The following DOCK8 variants were observed in gnomAD, a reference collection of about 807,000 sequenced individuals.
DOCK8 encodes dedicator of cytokinesis protein 8.
DOCK8 carries 141 observed loss-of-function variants against 245.6 expected under a neutral mutation model. The ratio of observed to expected loss-of-function variants is 0.57; its 90% CI spans 0.50 to 0.66. The LOEUF is 0.66. Among genes scored for constraint, DOCK8 ranks in the 30% least tolerant of loss-of-function variants. The probability of loss-of-function intolerance (pLI) is 0.00; values close to 1 mark genes in which losing one functional copy is unlikely to be tolerated. For missense variants in DOCK8, 2,965 were observed against 2,603.4 expected (o/e 1.14, Z -3.02); for synonymous variants, 1,168 against 970.2 (o/e 1.20, Z -3.79).
At chr9:235,324 A>T (rs2047218965) in intron 1 of DOCK8, among the ~76,000 whole-genome samples, 1 of 152,110 alleles carries the variant, frequency 6.6e-6, no homozygotes, top group Non-Finnish European at 1.5e-5. Context: ...GGTGCCTCCC[A>T]GTTGGGCTAC....
At chr9:224,221 C>T (rs1027672390) in intron 1 of DOCK8, among the ~76,000 whole-genome samples, 12 of 152,090 alleles carry the variant, frequency 7.9e-5, no homozygotes, top group African/African-American at 2.9e-4. Flanking sequence ...AATATTATAA[C>T]CACTTACTCA....
chr9:409,365 A>G (rs2055601313), intron 28 of DOCK8, among the ~76,000 whole-genome samples: 1 of 152,226 alleles, frequency 6.6e-6, no homozygotes, highest in Non-Finnish European at 1.5e-5. Context: ...GCAATGCCTA[A>G]TTCAAAACAC....
At chr9:297,098 G>C (rs1247533024) in intron 4 of DOCK8, among the ~76,000 whole-genome samples, 1 of 152,190 alleles carries the variant, frequency 6.6e-6, no homozygotes, top group African/African-American at 2.4e-5. Context: ...AATTGTACAG[G>C]AAGGGAGAGA....
intron 14 of DOCK8, 102 bp downstream of exon 14, chr9:340,423 C>A: frequency 6.8e-7 from 1 of 1,463,648 alleles, no homozygotes; most frequent in Non-Finnish European, 9.4e-7. Flanking sequence ...GAGTTTGAGA[C>A]CAGCCTTGGC....
intron 14 of DOCK8, among the ~76,000 whole-genome samples, chr9:345,567 T>G (rs1030665636): frequency 1.3e-5 from 2 of 152,192 alleles, no homozygotes; most frequent in Non-Finnish European, 2.9e-5. Flanking sequence ...AGCTGAATAT[T>G]ACTTGAGTTG....
chr9:432,435 C>A, intron 37 of DOCK8, 111 bp downstream of exon 37: 1 of 1,107,164 alleles, frequency 9.0e-7, no homozygotes, highest in Non-Finnish European at 1.3e-6. Context: ...ATAACATTTG[C>A]AAGTATTTAT....
chr9:429,594 C>T, intron 35 of DOCK8, 108 bp from the exon 36 acceptor site: 4 of 1,346,106 alleles, frequency 3.0e-6, no homozygotes, highest in Non-Finnish European at 4.2e-6. Flanking sequence ...AATGCATTAA[C>T]TCTTCTAGGC....
chr9:449,551 A>C lies in DOCK8; in HGVS notation c.5818-233A>C, dbSNP rs2031945. Among the ~76,000 whole-genome samples, 91,109 of 152,028 alleles carry C rather than the reference A, an allele frequency of 0.6. 30,087 individuals are homozygous for C. Among genetic ancestry groups the C allele is most frequent in the East Asian group, 0.99 (5,102 of 5,172 alleles). ...TGACTGTAAAATGGAGAGTATAAAG[A>C]GGTTGTTGAGAGGAATAAATGCTAA... On this transcript the variant is annotated intron_variant, in intron 44 of 47. Transcript: ENST00000432829.
intron 1 of DOCK8, chr9:215,647 AT>A: frequency 2.4e-6 from 1 of 418,308 alleles, no homozygotes. Context: ...ACCAAAAGAA[AT>A]GGCCTGTGGC....
chr9:220,591 T>C (rs1223898868), intron 1 of DOCK8, among the ~76,000 whole-genome samples: 1 of 152,132 alleles, frequency 6.6e-6, no homozygotes. Flanking sequence ...CTGAGAAAGC[T>C]AAGAAACAAA....
intron 20 of DOCK8, among the ~76,000 whole-genome samples, chr9:378,767 G>C (rs1210197577): frequency 6.6e-6 from 1 of 152,232 alleles, no homozygotes; most frequent in Non-Finnish European, 1.5e-5. Flanking sequence ...AATAAGTGGA[G>C]GTGGCTAGTC....
In DOCK8 at chr9:390,645, A is replaced by C. The variant is rs1017167012; in HGVS notation, c.2970+79A>C. 23 of 1,388,038 alleles carry C rather than the reference A, an allele frequency of 1.7e-5. No homozygotes were observed. The African/African-American group carries it at 3.0e-4, about 18-fold the overall frequency. The allele number at this position is 1,388,038 out of a possible 1,614,324, so 86.0% of individuals were successfully genotyped here. On this transcript the variant is annotated intron_variant, in intron 24 of 47. Transcript: ENST00000432829. ...GCAGAAAGGAATTGACATTTTGTTCACTGAGTTGCCCCTGCTGAAAACCTG... is the reference window on the plus strand; with the variant it reads ...GCAGAAAGGAATTGACATTTTGTTCCCTGAGTTGCCCCTGCTGAAAACCTG...
intron 14 of DOCK8, among the ~76,000 whole-genome samples, chr9:355,403 C>T (rs1443926217): frequency 2.6e-5 from 4 of 151,932 alleles, no homozygotes; most frequent in Non-Finnish European, 4.4e-5. Context: ...TGGGTTTCAC[C>T]TTGTTGGCCA....
At chr9:258,372 G>A (rs517601) in intron 1 of DOCK8, among the ~76,000 whole-genome samples, 73,058 of 151,690 alleles carry the variant, frequency 0.48, 17,955 homozygotes, top group East Asian at 0.79. Context: ...CCAAGGAGCT[G>A]GCTATGCTGG....
Position 358,039 on chromosome 9 carries a change from G to GT in DOCK8, c.1680-9979_1680-9978insT, listed in dbSNP as rs1563960375. Among the ~76,000 whole-genome samples the GT allele has an allele frequency of 3.9e-3, 600 of 151,904 alleles. 8 individuals carry two copies. The highest frequency in any genetic ancestry group is 0.013 in the African/African-American group (542 of 41,430). The stretch of plus-strand genomic sequence containing the variant: ...AAGACAGGACACAGCAAATGTTTTG[G>GT]GTTTTTTTCACATTTATGAACCTTC... On this transcript the variant is annotated intron_variant, in intron 14 of 47. Transcript: ENST00000432829.
At chr9:222,240 G>A (rs768470979) in intron 1 of DOCK8, among the ~76,000 whole-genome samples, 25 of 151,810 alleles carry the variant, frequency 1.6e-4, no homozygotes, top group Non-Finnish European at 3.1e-4. Flanking sequence ...TCCAGCCTGG[G>A]CCACAGAGTG....
intron 24 of DOCK8, among the ~76,000 whole-genome samples, chr9:391,523 G>A (rs141463942): frequency 1.2e-3 from 178 of 152,220 alleles, no homozygotes; most frequent in African/African-American, 4.2e-3. Flanking sequence ...AAAAGGTATA[G>A]CCATAATACC....
intron 33 of DOCK8, among the ~76,000 whole-genome samples, chr9:425,964 C>T (rs751911340): frequency 7.2e-5 from 11 of 151,872 alleles, no homozygotes; most frequent in African/African-American, 1.2e-4. Flanking sequence ...GTTAATGGGA[C>T]GCAAGAACAG....
At chr9:375,564 T>G (rs952978655) in intron 18 of DOCK8, among the ~76,000 whole-genome samples, 4 of 152,236 alleles carry the variant, frequency 2.6e-5, no homozygotes, top group African/African-American at 9.6e-5. Flanking sequence ...GGATCTTAAT[T>G]TATTTTAATT....
Sources: allele counts gnomAD v4.1 joint callset (sites outside exome capture counted in the v4.1 genomes callset), GRCh38; gene constraint gnomAD v4.1.1; transcripts MANE v1.5; gene names NCBI Gene and HGNC (gene_info 2026-07-23, HGNC 2026-07-21).